ADCY1: variants seen among roughly 807,000 people sequenced by gnomAD.
The protein encoded by ADCY1 is adenylate cyclase 1.
ADCY1 carries 28 observed loss-of-function variants against 105.4 expected under a neutral mutation model. The observed-to-expected ratio is 0.27, with a 90% confidence interval of 0.20 to 0.36. The LOEUF is 0.36. Among genes scored for constraint, ADCY1 ranks in the 10% least tolerant of loss-of-function variants. ADCY1 has a pLI of 1.00. For missense variants in ADCY1, 977 were observed against 1,434.2 expected, an observed-to-expected ratio of 0.68 and a Z score of 5.15; for synonymous variants, 655 against 623.8, an observed-to-expected ratio of 1.05 and a Z score of -0.75.
chr7:45,631,355 G>T (rs937269071), intron 4 of ADCY1, among the ~76,000 whole-genome samples: 15 of 152,152 alleles, frequency 9.9e-5, no homozygotes, highest in African/African-American at 3.6e-4. Flanking sequence ...TAATGCAACC[G>T]GATTCCATTT....
At chr7:45,664,422 A>C (rs988152639) in intron 8 of ADCY1, 15 of 1,535,510 alleles carry the variant, frequency 9.8e-6, no homozygotes, top group Non-Finnish European at 1.2e-5. Context: ...TGCAAGGATG[A>C]GCTCCTGCCA....
intron 8 of ADCY1, among the ~76,000 whole-genome samples, chr7:45,676,471 G>A (rs943779043): frequency 3.3e-5 from 5 of 151,958 alleles, no homozygotes; most frequent in African/African-American, 1.2e-4. Flanking sequence ...TGATACTCTG[G>A]ATCCTACTGA....
chr7:45,607,786 T>A (rs754828117), intron 2 of ADCY1, among the ~76,000 whole-genome samples: 142 of 152,252 alleles, frequency 9.3e-4, no homozygotes, highest in Non-Finnish European at 1.8e-3. Flanking sequence ...TTCTTTTTTA[T>A]GGCTGCATAG....
chr7:45,619,831 C>T (rs896804127), intron 3 of ADCY1, among the ~76,000 whole-genome samples: 1 of 152,146 alleles, frequency 6.6e-6, no homozygotes, highest in Non-Finnish European at 1.5e-5. Context: ...CAATATTTAA[C>T]CATACTGTAT....
At chr7:45,704,684 C>G in intron 17 of ADCY1, 68 bp downstream of exon 17, 2 of 1,295,988 alleles carry the variant, frequency 1.5e-6, no homozygotes, top group South Asian at 2.5e-5. Context: ...GCTCTGGGAC[C>G]CTGGGTAGCT....
chr7:45,613,464 G>A (rs1280305032), intron 3 of ADCY1, among the ~76,000 whole-genome samples: 2 of 152,114 alleles, frequency 1.3e-5, no homozygotes, highest in Non-Finnish European at 2.9e-5. Flanking sequence ...AATCATTAGT[G>A]GACCAATATA....
chr7:45,641,487 C>G (rs1354692030), intron 4 of ADCY1, among the ~76,000 whole-genome samples: 1 of 152,154 alleles, frequency 6.6e-6, no homozygotes, highest in Non-Finnish European at 1.5e-5. Context: ...GACATCATCT[C>G]GCTGCCTCCA....
At chr7:45,683,322 T>G (rs536011226) in intron 11 of ADCY1, among the ~76,000 whole-genome samples, 2 of 152,276 alleles carry the variant, frequency 1.3e-5, no homozygotes, top group East Asian at 3.9e-4. Flanking sequence ...CCACAGCTTA[T>G]GAATCAGTAT....
chr7:45,649,616 G>A (rs1423495565), intron 5 of ADCY1, among the ~76,000 whole-genome samples: 5 of 152,254 alleles, frequency 3.3e-5, no homozygotes, highest in Non-Finnish European at 7.3e-5. Context: ...GAGATGGGGC[G>A]AGACTGCTGG....
chr7:45,665,695 C>G (rs1754405354), intron 8 of ADCY1, among the ~76,000 whole-genome samples: 2 of 152,198 alleles, frequency 1.3e-5, no homozygotes, highest in Admixed American at 6.5e-5. Context: ...AGAAGTTTAT[C>G]ATTTTGTCTT....
chr7:45,670,385 C>A (rs183834973), intron 8 of ADCY1, among the ~76,000 whole-genome samples: 1 of 152,344 alleles, frequency 6.6e-6, no homozygotes, highest in Admixed American at 6.5e-5. Context: ...AGCAGGTGAG[C>A]TGACAGGCAG....
At chr7:45,603,965 G>A (rs774595039) in intron 2 of ADCY1, among the ~76,000 whole-genome samples, 1 of 152,194 alleles carries the variant, frequency 6.6e-6, no homozygotes, top group Non-Finnish European at 1.5e-5. Flanking sequence ...ATTGAAGAAT[G>A]TCTTGGTAGT....
chr7:45,656,967 G>A (rs963761684), intron 5 of ADCY1, among the ~76,000 whole-genome samples: 10 of 152,236 alleles, frequency 6.6e-5, no homozygotes, highest in Non-Finnish European at 1.3e-4. Context: ...GTGTATACAC[G>A]AGGAAACTGA....
chr7:45,574,646 G>T lies in ADCY1; in HGVS notation c.103G>T (p.Ala35Ser). The change falls in exon 1 of 20, where the codon GCG becomes TCG. Residue 35 changes from alanine to serine, a missense_variant. By Grantham distance (99) the Ala-to-Ser change is moderately conservative. This residue lies in a region of ADCY1 where 209 missense variants were observed against 222.5 expected (regional missense o/e 0.94). Transcript: ENST00000297323. This position sits in a 1 kb window ranked among gnomAD's most constrained non-coding sequence, Gnocchi z 7.0. Reference protein sequence around the residue: ...AGTSRRRGLRACDEEFACPEL... With the variant: ...AGTSRRRGLRSCDEEFACPEL... Reference sequence around the variant, plus strand: ...GACAAGCCGCCGGCGCGGGCTCCGGGCGTGCGACGAGGAGTTCGCTTGCCC... The same window carrying T: ...GACAAGCCGCCGGCGCGGGCTCCGGTCGTGCGACGAGGAGTTCGCTTGCCC... 7.8e-7 allele frequency: 1 copy of T among 1,286,822 alleles called. No individual in the cohort carries two copies. Among genetic ancestry groups the T allele is most frequent in the Non-Finnish European group, 9.8e-7 (1 of 1,019,234 alleles). 79.7% of individuals were successfully genotyped at this position (1,286,822 alleles called of 1,614,324 possible). A position where few individuals can be genotyped will look rare whatever the true frequency, so the allele number is the denominator to read the frequency against.
At position 45,713,926 on chromosome 7, in the gene ADCY1, C is replaced by T. The variant is rs1240381144; in HGVS notation, c.3291C>T (p.Val1097=). Residue 1097 remains valine (V), a synonymous_variant, in exon 20 of 20, where the codon GTC becomes GTT. Transcript: ENST00000297323. ...TGTGCCCCATGCCTGGCGTCTCAGT[C>T]AGGGCTGGGCTCCCTCCACACTCCC... is the stretch of plus-strand genomic sequence containing the variant. The part of the protein sequence containing the change: ...PPVCPMPGVS[V]RAGLPPHSPG... 1.3e-6 allele frequency: 1 copy of T among 780,516 alleles called. No individual in the cohort carries two copies. Among genetic ancestry groups the T allele is most frequent in the Non-Finnish European group, 2.4e-6 (1 of 418,134 alleles). The allele number at this position is 780,516 out of a possible 1,614,324, so 48.3% of individuals were successfully genotyped here. A position where few individuals can be genotyped will look rare whatever the true frequency, so the allele number is the denominator to read the frequency against.
At chr7:45,616,015 A>G (rs1054929256) in intron 3 of ADCY1, among the ~76,000 whole-genome samples, 6 of 152,214 alleles carry the variant, frequency 3.9e-5, no homozygotes, top group Non-Finnish European at 7.3e-5. Context: ...AGATATTATA[A>G]CTGAGGCCAC....
At chr7:45,682,554 G>A (rs1277024332) in intron 11 of ADCY1, among the ~76,000 whole-genome samples, 1 of 152,128 alleles carries the variant, frequency 6.6e-6, no homozygotes, top group Non-Finnish European at 1.5e-5. Context: ...GGCACAATGT[G>A]GTCCACAAGG....
chr7:45,634,600 A>G (rs1448482383), intron 4 of ADCY1, among the ~76,000 whole-genome samples: 1 of 152,160 alleles, frequency 6.6e-6, no homozygotes, highest in Admixed American at 6.5e-5. Flanking sequence ...ACTTGGACAT[A>G]AAGATGGTCC....
chr7:45,646,906 C>G (rs1379417287), intron 4 of ADCY1, among the ~76,000 whole-genome samples: 1 of 152,250 alleles, frequency 6.6e-6, no homozygotes, highest in Non-Finnish European at 1.5e-5. Context: ...CCTGCCGGGC[C>G]CTCACAGAGC....
Sources: gnomAD v4.1 joint callset for allele counts (sites outside exome capture counted in the v4.1 genomes callset) on GRCh38, gnomAD v4.1.1 for gene constraint, gnomAD v4.1.1 regional missense constraint, Gnocchi (gnomAD v3.1) non-coding constraint, MANE v1.5 for transcripts, NCBI Gene and HGNC (gene_info 2026-07-23, HGNC 2026-07-21) for gene names.